ITK: variants seen among roughly 807,000 people sequenced by gnomAD.
ITK encodes IL2 inducible T cell kinase, also known as tyrosine-protein kinase ITK/TSK.
A neutral mutation model predicts 87.6 loss-of-function variants in ITK; 45 were observed. The observed-to-expected ratio is 0.51, with a 90% CI of 0.40 to 0.66. The LOEUF is 0.66. Among genes scored for constraint, ITK ranks in the 30% least tolerant of loss-of-function variants. The pLI, the probability that ITK is intolerant of heterozygous loss-of-function variation, is 0.00. For synonymous variants in ITK, 303 were observed against 273.6 expected, an observed-to-expected ratio of 1.11 and a Z score of -1.06; for missense variants, 605 against 766.3, an observed-to-expected ratio of 0.79 and a Z score of 2.48.
intron 16 of ITK, 31 bp from the exon 17 acceptor site, chr5:157,252,576 G>A: frequency 1.3e-6 from 2 of 1,559,940 alleles, no homozygotes; most frequent in Non-Finnish European, 1.8e-6. Context: ...TAAGTACAAG[G>A]AACTTACAGA....
intron 2 of ITK, 84 bp from the exon 3 acceptor site, chr5:157,211,203 C>T: frequency 9.0e-7 from 1 of 1,113,284 alleles, no homozygotes; most frequent in Admixed American, 1.7e-5. Flanking sequence ...CACCCGAGAC[C>T]CCACTCTCGG....
At chr5:157,181,317 C>A (rs1260713497) in intron 1 of ITK, among the ~76,000 whole-genome samples, 1 of 152,182 alleles carries the variant, frequency 6.6e-6, no homozygotes, top group Non-Finnish European at 1.5e-5. Flanking sequence ...TAGGTGATTT[C>A]AGTTCTAAAA....
chr5:157,245,437 CAGGTTGCATT>C, intron 13 of ITK: 1 of 510,512 alleles, frequency 2.0e-6, no homozygotes, highest in Non-Finnish European at 3.6e-6. Flanking sequence ...CCTATCACAT[CAGGTTGCATT>C]AGAGCCTATC....
At chr5:157,195,003 A>ACGCAGAGGTGATC (rs1753825041) in intron 1 of ITK, 1 of 152,208 alleles carries the variant, frequency 6.6e-6, no homozygotes, top group South Asian at 2.1e-4. Context: ...ACATTTGGAG[A>ACGCAGAGGTGATC]CGCAGAGGTG....
intron 5 of ITK, among the ~76,000 whole-genome samples, chr5:157,222,431 T>G (rs1754438149): frequency 6.6e-6 from 1 of 152,142 alleles, no homozygotes; most frequent in South Asian, 2.1e-4. Flanking sequence ...AAAAAGTGTA[T>G]TAAGTGATCT....
intron 8 of ITK, among the ~76,000 whole-genome samples, chr5:157,237,231 T>G (rs1392437326): frequency 1.3e-5 from 2 of 152,232 alleles, no homozygotes; most frequent in African/African-American, 4.8e-5. Flanking sequence ...AACAAAATTG[T>G]GCATTCTGCA....
rs1303368954 is a variant in ITK, at chr5:157,253,061, A to G, written c.*383A>G. On this transcript the variant is annotated 3_prime_UTR_variant, in exon 17 of 17. Transcript: ENST00000422843. ...TTATTGTTATTTTTAACATGAATCT[A>G]AAGTTTATGGTTCCAGGGACTTTTT... is the stretch of plus-strand genomic sequence containing the variant. The G allele has an allele frequency of 1.3e-5, 5 of 375,598 alleles. No individual in the cohort carries two copies. Among genetic ancestry groups the G allele is most frequent in the East Asian group, 4.2e-5 (1 of 23,774 alleles). 23.3% of individuals were successfully genotyped at this position (375,598 alleles called of 1,614,324 possible). A position where few individuals can be genotyped will look rare whatever the true frequency, so the allele number is the denominator to read the frequency against.
In ITK at chr5:157,207,278, C is replaced by T. The variant is rs1754097941; in HGVS notation, c.139-1611C>T. On this transcript the variant is annotated intron_variant, in intron 1 of 16. Coordinates refer to ENST00000422843, the MANE Select transcript of ITK (RefSeq NM_005546.4). ...TCCACCAACACTGAGGGCAGATCTC[C>T]CCCACCTCGCCCATTCTGATACACA... Among the ~76,000 whole-genome samples, 3 of 151,934 alleles carry T rather than the reference C, an allele frequency of 2.0e-5. No individual in the cohort carries two copies. The South Asian group carries it at 6.2e-4, about 31-fold the overall frequency.
chr5:157,207,633 G>A (rs2113751551), intron 1 of ITK, among the ~76,000 whole-genome samples: 1 of 152,034 alleles, frequency 6.6e-6, no homozygotes, highest in Admixed American at 6.6e-5. Context: ...TCCCGTGTCG[G>A]CCTCCCAAAG....
intron 1 of ITK, among the ~76,000 whole-genome samples, chr5:157,194,295 T>C (rs1753810674): frequency 6.6e-6 from 1 of 152,196 alleles, no homozygotes; most frequent in Non-Finnish European, 1.5e-5. Context: ...ACCTGAACTC[T>C]ATGGGCTGAC....
chr5:157,227,163 C>T (rs993557841), intron 6 of ITK, among the ~76,000 whole-genome samples: 4 of 152,142 alleles, frequency 2.6e-5, no homozygotes, highest in African/African-American at 9.7e-5. Flanking sequence ...GGAGTATCTA[C>T]TTAAACTAGA....
At chr5:157,232,787 G>C (rs1561660682) in intron 8 of ITK, among the ~76,000 whole-genome samples, 1 of 152,310 alleles carries the variant, frequency 6.6e-6, no homozygotes, top group East Asian at 1.9e-4. Flanking sequence ...ACCTGGGCTT[G>C]GCATTGACGT....
At chr5:157,217,725 G>A (rs1754327583) in intron 4 of ITK, 142 bp from the exon 5 acceptor site, 3 of 720,518 alleles carry the variant, frequency 4.2e-6, no homozygotes, top group African/African-American at 1.7e-5. Flanking sequence ...GTTTCACTGT[G>A]TCTTATTGCT....
At chr5:157,188,994 A>G (rs58495190) in intron 1 of ITK, among the ~76,000 whole-genome samples, 2,824 of 152,254 alleles carry the variant, frequency 0.019, 84 homozygotes, top group African/African-American at 0.065. Context: ...GTAGTAGGTG[A>G]TCAGTAAATA....
At chr5:157,204,065 C>G (rs1180455910) in intron 1 of ITK, among the ~76,000 whole-genome samples, 1 of 152,162 alleles carries the variant, frequency 6.6e-6, no homozygotes, top group Non-Finnish European at 1.5e-5. Flanking sequence ...GGGTCGACGG[C>G]ACCATCACTA....
chr5:157,204,880 T>C (rs1454916103), intron 1 of ITK, among the ~76,000 whole-genome samples: 2 of 152,232 alleles, frequency 1.3e-5, no homozygotes, highest in Non-Finnish European at 2.9e-5. Context: ...TTCCTGTATT[T>C]GATAGGGTCT....
chr5:157,221,126 C>G (rs922343642), intron 5 of ITK, among the ~76,000 whole-genome samples: 34 of 151,604 alleles, frequency 2.2e-4, no homozygotes, highest in African/African-American at 8.0e-4. Flanking sequence ...ATATGTGTTT[C>G]TATATAAATA....
chr5:157,251,023 C>T (rs1657701012), intron 16 of ITK, among the ~76,000 whole-genome samples: 1 of 152,290 alleles, frequency 6.6e-6, no homozygotes, highest in African/African-American at 2.4e-5. Context: ...TATAAATTTT[C>T]AACTCAATTG....
At chr5:157,237,236 T>G (rs1484590750) in intron 8 of ITK, among the ~76,000 whole-genome samples, 1 of 152,184 alleles carries the variant, frequency 6.6e-6, no homozygotes, top group Non-Finnish European at 1.5e-5. Flanking sequence ...AATTGTGCAT[T>G]CTGCAGCAAC....
Sources: gnomAD v4.1 joint callset for allele counts (sites outside exome capture counted in the v4.1 genomes callset) on GRCh38, gnomAD v4.1.1 for gene constraint, MANE v1.5 for transcripts, NCBI Gene and HGNC (gene_info 2026-07-23, HGNC 2026-07-21) for gene names.